PIK3C2G: variants seen among roughly 807,000 people sequenced by gnomAD.
PIK3C2G encodes the protein phosphatidylinositol 3-kinase C2 domain-containing subunit gamma.
PIK3C2G carries 168 observed loss-of-function variants against 181.1 expected under a neutral mutation model. That is an observed-to-expected ratio of 0.93 (90% CI 0.82 to 1.05). PIK3C2G has a LOEUF of 1.05. PIK3C2G is among the 50% of genes least tolerant of loss of function. The probability of loss-of-function intolerance (pLI) is 0.00; values close to 1 mark genes in which losing one functional copy is unlikely to be tolerated. For missense variants in PIK3C2G, 1,869 were observed against 1,732.8 expected, an observed-to-expected ratio of 1.08 and a Z score of -1.40; for synonymous variants, 573 against 592.2, an observed-to-expected ratio of 0.97 and a Z score of 0.47.
intron 5 of PIK3C2G, among the ~76,000 whole-genome samples, chr12:18,303,333 C>G (rs887842322): frequency 2.7e-5 from 4 of 147,872 alleles, no homozygotes; most frequent in Non-Finnish European, 6.0e-5. Context: ...CTTTCTCTCT[C>G]TCTCTTTCTT....
At chr12:18,624,744 A>G (rs991032849) in intron 31 of PIK3C2G, among the ~76,000 whole-genome samples, 4 of 151,436 alleles carry the variant, frequency 2.6e-5, no homozygotes, top group Admixed American at 1.3e-4. Flanking sequence ...CAGATTTTCT[A>G]TTTCTTCATG....
Position 18,647,901 on chromosome 12 carries a change from T to C in PIK3C2G, c.4334T>C (p.Leu1445Pro). The C allele has an allele frequency of 6.3e-7, 1 of 1,585,270 alleles. No individual in the cohort carries two copies. Among genetic ancestry groups the C allele is most frequent in the Non-Finnish European group, 8.6e-7 (1 of 1,163,416 alleles). The change falls in exon 33 of 33, where the codon CTC (leucine) becomes CCC (proline). Residue 1445 changes from leucine to proline, a missense_variant. Coordinates refer to ENST00000538779, the MANE Select transcript of PIK3C2G (RefSeq NM_001288772.2). Reference sequence around the variant, plus strand: ...GTAGTATATGATGAAGTCACAGAGCTCCAAGGACATGTCTTAATGCTTATT... The same window carrying C: ...GTAGTATATGATGAAGTCACAGAGCCCCAAGGACATGTCTTAATGCTTATT... ...EIVVYDEVTE[L>P]QGHVLMLIVK...
intron 26 of PIK3C2G, among the ~76,000 whole-genome samples, chr12:18,551,312 G>A (rs776138784): frequency 5.3e-5 from 8 of 152,066 alleles, no homozygotes; most frequent in Non-Finnish European, 1.2e-4. Context: ...CCATTAAAAT[G>A]TTGTCCAAAA....
At chr12:18,294,764 CG>C (rs1407296398) in intron 5 of PIK3C2G, among the ~76,000 whole-genome samples, 2 of 151,908 alleles carry the variant, frequency 1.3e-5, no homozygotes, top group African/African-American at 4.8e-5. Flanking sequence ...AAGACTAAAA[CG>C]TTTAATACAG....
chr12:18,402,148 TATGTAAAATGTGATCTATCC>T (rs1276117163), intron 16 of PIK3C2G, among the ~76,000 whole-genome samples: 9 of 152,166 alleles, frequency 5.9e-5, no homozygotes, highest in Non-Finnish European at 1.3e-4. Flanking sequence ...AATCAATAGA[TATGTAAAATGTGATCTATCC>T]ATACAACATA....
the PIK3C2G span, among the ~76,000 whole-genome samples, chr12:18,654,209 C>T: frequency 6.6e-6 from 1 of 151,128 alleles, no homozygotes; most frequent in Non-Finnish European, 1.5e-5. Flanking sequence ...AGTCAATATA[C>T]TCAGGTCCAA....
At chr12:18,465,426 C>A (rs566280722) in intron 18 of PIK3C2G, among the ~76,000 whole-genome samples, 3 of 151,982 alleles carry the variant, frequency 2.0e-5, no homozygotes, top group African/African-American at 7.2e-5. Flanking sequence ...TTTCTTCTTG[C>A]ATTTTAGTCT....
At chr12:18,415,997 C>T (rs1003649786) in intron 16 of PIK3C2G, among the ~76,000 whole-genome samples, 1 of 152,162 alleles carries the variant, frequency 6.6e-6, no homozygotes, top group Admixed American at 6.5e-5. Context: ...CCTGTAATCC[C>T]AGCACTTTAG....
chr12:18,618,920 T>G (rs1261119512), intron 31 of PIK3C2G, among the ~76,000 whole-genome samples: 1 of 151,960 alleles, frequency 6.6e-6, no homozygotes. Flanking sequence ...GAAAAAAGAT[T>G]GAAATAAAAG....
rs1331207765 is a variant in PIK3C2G, at chr12:18,497,673, G to A, written c.2941G>A (p.Asp981Asn). 2 of 1,612,314 alleles carry A rather than the reference G, an allele frequency of 1.2e-6. No homozygotes were observed. Among genetic ancestry groups the A allele is most frequent in the Non-Finnish European group, 1.7e-6 (2 of 1,178,556 alleles). The change falls in exon 22 of 33, where the codon GAC (aspartate) becomes AAC (asparagine). Residue 981 changes from aspartate to asparagine, a missense_variant. Asp to Asn is a conservative substitution (Grantham distance 23). Transcript: ENST00000538779. ...TGTTCTGCAGCTTATTCAAGTGATG[G>A]ACAATATTTGGCTGCAGGAAGGCTT... is the stretch of plus-strand genomic sequence containing the variant. ...MLVLQLIQVM[D>N]NIWLQEGLDM...
intron 11 of PIK3C2G, among the ~76,000 whole-genome samples, chr12:18,353,864 G>C (rs11044044): frequency 0.12 from 17,768 of 152,132 alleles, 1,396 homozygotes; most frequent in Admixed American, 0.25. Context: ...TCATGAATAG[G>C]TCAGTATAGT....
intron 16 of PIK3C2G, among the ~76,000 whole-genome samples, chr12:18,419,862 G>A (rs138206048): frequency 0.015 from 2,277 of 152,182 alleles, 35 homozygotes; most frequent in Non-Finnish European, 0.018. Context: ...TACTTGACTC[G>A]ATGGCGGCAT....
In PIK3C2G at chr12:18,337,770, G is replaced by C. The variant is rs190078165; in HGVS notation, c.1273-656G>C. Among the ~76,000 whole-genome samples the C allele has an allele frequency of 1.8e-3, 280 of 152,196 alleles. 1 individual carries two copies. Among genetic ancestry groups the C allele is most frequent in the African/African-American group, 6.4e-3 (264 of 41,542 alleles). ...ACCAGGCTTCACTTCCAACATTGAG[G>C]CTTATATTTCAATATGAGATTTGGA... On this transcript the variant is annotated intron_variant, in intron 8 of 32. Coordinates refer to ENST00000538779, the MANE Select transcript of PIK3C2G (RefSeq NM_001288772.2).
At chr12:18,257,913 C>T (rs1484702559), upstream of PIK3C2G, among the ~76,000 whole-genome samples, 1 of 152,010 alleles carries the variant, frequency 6.6e-6, no homozygotes, top group Admixed American at 6.6e-5. Flanking sequence ...AAGAAATATA[C>T]TCCTTGCTTG....
chr12:18,664,042 T>C, the PIK3C2G span, among the ~76,000 whole-genome samples: 3 of 152,070 alleles, frequency 2.0e-5, no homozygotes, highest in Admixed American at 6.6e-5. Context: ...AAAACTACAA[T>C]GATATAACAC....
the PIK3C2G span, chr12:18,701,665 C>T: frequency 6.2e-7 from 1 of 1,612,196 alleles, no homozygotes; most frequent in Admixed American, 1.7e-5. Flanking sequence ...CCATCTGCCA[C>T]TTCTTCTTCC....
chr12:18,602,581 A>G (rs1947793731), intron 30 of PIK3C2G, among the ~76,000 whole-genome samples: 1 of 151,922 alleles, frequency 6.6e-6, no homozygotes, highest in African/African-American at 2.4e-5. Context: ...TCAGCACAAG[A>G]GCATTAAACC....
At chr12:18,280,878 A>G (rs77326989) in intron 1 of PIK3C2G, among the ~76,000 whole-genome samples, 137 of 152,138 alleles carry the variant, frequency 9.0e-4, no homozygotes, top group African/African-American at 3.2e-3. Flanking sequence ...AGATAGATTT[A>G]AGATATATTT....
chr12:18,467,755 T>G (rs1442508882), intron 18 of PIK3C2G, among the ~76,000 whole-genome samples: 2 of 152,006 alleles, frequency 1.3e-5, no homozygotes, highest in African/African-American at 4.8e-5. Flanking sequence ...GGAACCACCC[T>G]AACTCCACCC....
Sources: gnomAD v4.1 joint callset for allele counts (sites outside exome capture counted in the v4.1 genomes callset) on GRCh38, gnomAD v4.1.1 for gene constraint, MANE v1.5 for transcripts, NCBI Gene and HGNC (gene_info 2026-07-23, HGNC 2026-07-21) for gene names.